The following KRAS variants were observed in gnomAD, a reference collection of about 807,000 sequenced individuals.
KRAS encodes the protein KRas proto-oncogene, GTPase, also known as GTPase KRas.
In KRAS, 1 loss-of-function variant was observed where a neutral mutation model predicts 21.0. The observed-to-expected ratio is 0.05, with a 90% confidence interval of 0.02 to 0.23. The LOEUF is 0.23. KRAS is among the 10% of genes least tolerant of loss of function. The pLI is 1.00. For missense variants in KRAS, 107 were observed against 221.8 expected (o/e 0.48, Z 3.29); for synonymous variants, 67 against 72.5 (o/e 0.92, Z 0.39).
rs377492203 is a variant in KRAS at position 25,222,907 on chromosome 12, A to G, written c.450+2707T>C. Among the ~76,000 whole-genome samples, 209 of 152,310 alleles carry G rather than the reference A, an allele frequency of 1.4e-3. 2 individuals are homozygous for G. The highest frequency in any genetic ancestry group is 0.01 in the South Asian group (49 of 4,826). On this transcript the variant is annotated intron_variant, in intron 4 of 4. Coordinates refer to ENST00000311936, the MANE Select transcript of KRAS (RefSeq NM_004985.5). ...TATCAAATGAGAAGTGGACAGCAAC[A>G]AAGTGGGACTAACAAGACTCTTTTT...
At chr12:25,219,184 C>A (rs1951290407) in intron 4 of KRAS, among the ~76,000 whole-genome samples, 1 of 152,148 alleles carries the variant, frequency 6.6e-6, no homozygotes, top group Non-Finnish European at 1.5e-5. Flanking sequence ...GATCCGCCTG[C>A]CTCAGCCTCC....
chr12:25,224,514 A>ATG (rs1220636517), intron 4 of KRAS, among the ~76,000 whole-genome samples: 2 of 152,180 alleles, frequency 1.3e-5, no homozygotes, highest in Non-Finnish European at 2.9e-5. Flanking sequence ...TAGCTGTATA[A>ATG]TGTGTGTTTT....
At chr12:25,225,843 T>G (rs1183994836) in intron 3 of KRAS, 70 bp from the exon 4 acceptor site, 1 of 1,454,496 alleles carries the variant, frequency 6.9e-7, no homozygotes, top group African/African-American at 1.4e-5. Context: ...TGTCCACAAC[T>G]TTTGTCATAA....
chr12:25,249,705 G>A (rs938058086), intron 1 of KRAS, among the ~76,000 whole-genome samples: 1 of 151,806 alleles, frequency 6.6e-6, no homozygotes, highest in Non-Finnish European at 1.5e-5. Context: ...CTGTTTTGGA[G>A]TACTGTAATA....
At chr12:25,231,729 G>C (rs1188695116) in intron 2 of KRAS, among the ~76,000 whole-genome samples, 6 of 152,050 alleles carry the variant, frequency 3.9e-5, no homozygotes, top group Non-Finnish European at 7.4e-5. Context: ...AGAAATAAAA[G>C]GTTTAGGTTA....
chr12:25,230,213 T>G (rs1951447659), intron 2 of KRAS, among the ~76,000 whole-genome samples: 1 of 152,230 alleles, frequency 6.6e-6, no homozygotes, highest in Non-Finnish European at 1.5e-5. Context: ...GATGTCTAAG[T>G]GCAGCATGAT....
At chr12:25,246,734 G>A (rs2135808543) in intron 1 of KRAS, among the ~76,000 whole-genome samples, 1 of 151,962 alleles carries the variant, frequency 6.6e-6, no homozygotes, top group South Asian at 2.1e-4. Flanking sequence ...GGCTAACCCG[G>A]TGAAACCCCG....
intron 4 of KRAS, among the ~76,000 whole-genome samples, chr12:25,217,476 ATATATT>A (rs61762437): frequency 0.14 from 21,126 of 152,010 alleles, 2,016 homozygotes; most frequent in African/African-American, 0.28. Context: ...CTATCCAGTG[ATATATT>A]TATATTTAAC....
At chr12:25,250,397 C>A (rs1951749979) in intron 1 of KRAS, among the ~76,000 whole-genome samples, 1 of 152,050 alleles carries the variant, frequency 6.6e-6, no homozygotes, top group Non-Finnish European at 1.5e-5. Context: ...CGCACCCCAC[C>A]GCTCCGAGGG....
At chr12:25,246,147 CAA>C (rs35617676) in intron 1 of KRAS, among the ~76,000 whole-genome samples, 15,322 of 83,964 alleles carry the variant, frequency 0.18, 732 homozygotes, top group African/African-American at 0.24. Context: ...GACTCCGTCT[CAA>C]AAAAAAAAAA....
At chr12:25,221,715 G>C (rs1329546868) in intron 4 of KRAS, among the ~76,000 whole-genome samples, 1 of 152,082 alleles carries the variant, frequency 6.6e-6, no homozygotes, top group African/African-American at 2.4e-5. Flanking sequence ...ACTTCTAAAT[G>C]AATGTTTTGT....
At chr12:25,246,352 G>A (rs894366157) in intron 1 of KRAS, among the ~76,000 whole-genome samples, 2 of 152,122 alleles carry the variant, frequency 1.3e-5, no homozygotes, top group Non-Finnish European at 2.9e-5. Context: ...GAGGCCAGGA[G>A]TTCAAGACCA....
chr12:25,215,397 C>T (rs767878251), intron 4 of KRAS: 16 of 1,611,558 alleles, frequency 9.9e-6, no homozygotes, highest in Non-Finnish European at 1.4e-5. Context: ...TAAAAGACAT[C>T]TGCTTTCTGC....
intron 4 of KRAS, among the ~76,000 whole-genome samples, chr12:25,215,939 A>G (rs1951250006): frequency 6.6e-6 from 1 of 152,202 alleles, no homozygotes; most frequent in South Asian, 2.1e-4. Flanking sequence ...ACTTAGGAAA[A>G]AAGTGATTTA....
chr12:25,247,822 G>A (rs1051698829), intron 1 of KRAS, among the ~76,000 whole-genome samples: 2 of 152,178 alleles, frequency 1.3e-5, no homozygotes, highest in Non-Finnish European at 2.9e-5. Context: ...CATCATTAAA[G>A]AGATTTACTG....
intron 4 of KRAS, among the ~76,000 whole-genome samples, chr12:25,220,455 A>G (rs879469204): frequency 1.2e-4 from 18 of 152,212 alleles, no homozygotes; most frequent in Non-Finnish European, 1.5e-4. Flanking sequence ...ACAGCTGGGC[A>G]CAGTGGCTCA....
chr12:25,234,998 A>T (rs1951526264), intron 2 of KRAS: 1 of 328,802 alleles, frequency 3.0e-6, no homozygotes, highest in Non-Finnish European at 5.5e-6. Flanking sequence ...AGCAGTCAAC[A>T]TTTACTGAGC....
At position 25,207,080 on chromosome 12, in the gene KRAS, G is replaced by A. The variant is rs1312248846; in HGVS notation, c.*2715C>T. 4 of 211,004 alleles carry A rather than the reference G, an allele frequency of 1.9e-5. No homozygotes were observed. Among genetic ancestry groups the A allele is most frequent in the Admixed American group, 1.2e-4 (2 of 16,976 alleles). The allele number at this position is 211,004 out of a possible 1,614,324, so 13.1% of individuals were successfully genotyped here. A position where few individuals can be genotyped will look rare whatever the true frequency, so the allele number is the denominator to read the frequency against. On this transcript the variant is annotated 3_prime_UTR_variant, in exon 5 of 5. Transcript: ENST00000311936. ...CCCCTTCTTTGCAAAACTAAAATAC[G>A]CATCGTGTTATCTCTGGGTCGTATA...
chr12:25,222,836 G>C (rs1951344211), intron 4 of KRAS, among the ~76,000 whole-genome samples: 1 of 152,168 alleles, frequency 6.6e-6, no homozygotes, highest in African/African-American at 2.4e-5. Flanking sequence ...TTCTGAGGTA[G>C]TAATCATACA....
Sources: gnomAD v4.1 joint callset for allele counts (sites outside exome capture counted in the v4.1 genomes callset) on GRCh38, gnomAD v4.1.1 for gene constraint, MANE v1.5 for transcripts, NCBI Gene and HGNC (gene_info 2026-07-23, HGNC 2026-07-21) for gene names.